Variants in DNER observed in about 807,000 individuals in gnomAD.
The protein encoded by DNER is delta and Notch-like epidermal growth factor-related receptor.
DNER carries 33 observed loss-of-function variants against 78.2 expected under a neutral mutation model. The ratio of observed to expected loss-of-function variants is 0.42; its 90% confidence interval spans 0.32 to 0.56. The LOEUF (loss-of-function observed/expected upper bound fraction) is 0.56. Among genes scored for constraint, DNER ranks in the 20% least tolerant of loss-of-function variants. DNER has a pLI of 0.11. For synonymous variants in DNER, 417 were observed against 384.8 expected, an observed-to-expected ratio of 1.08 and a Z score of -0.98; for missense variants, 918 against 975.3, an observed-to-expected ratio of 0.94 and a Z score of 0.78.
At chr2:229,651,569 T>C (rs1260704109) in intron 1 of DNER, among the ~76,000 whole-genome samples, 1 of 152,144 alleles carries the variant, frequency 6.6e-6, no homozygotes, top group South Asian at 2.1e-4. Flanking sequence ...CCCAGCCAGG[T>C]CTCTATCCAT....
intron 1 of DNER, among the ~76,000 whole-genome samples, chr2:229,644,646 T>C (rs1006900121): frequency 1.3e-5 from 2 of 152,024 alleles, no homozygotes; most frequent in African/African-American, 4.8e-5. Context: ...TTTTTCAGTA[T>C]TGTGTTAAGT....
chr2:229,545,391 A>G (rs555819157), intron 5 of DNER, among the ~76,000 whole-genome samples: 53 of 152,264 alleles, frequency 3.5e-4, no homozygotes, highest in Admixed American at 6.5e-4. Context: ...CCTGGCCAAC[A>G]TGGTGAAACC....
chr2:229,594,436 A>G (rs1164954968), intron 1 of DNER, among the ~76,000 whole-genome samples: 1 of 152,122 alleles, frequency 6.6e-6, no homozygotes, highest in Non-Finnish European at 1.5e-5. Flanking sequence ...AAAATACAAA[A>G]ATTAGTCGGG....
At chr2:229,620,645 C>T (rs982601839) in intron 1 of DNER, among the ~76,000 whole-genome samples, 5 of 152,240 alleles carry the variant, frequency 3.3e-5, no homozygotes, top group East Asian at 1.9e-4. Context: ...AAACACCAAC[C>T]CCACACTGGG....
rs542769841 is a variant in DNER, at chr2:229,373,875, T to A, written c.1856-6756A>T. ...AACACCACATGTTCTCACTTATAAG[T>A]GGGAGCTGGCCAGGCACGGTGGCTC... On this transcript the variant is annotated intron_variant, in intron 11 of 12. Coordinates refer to ENST00000341772, the MANE Select transcript of DNER (RefSeq NM_139072.4). Among the ~76,000 whole-genome samples the A allele has an allele frequency of 5.3e-5, 8 of 152,220 alleles. No individual in the cohort carries two copies. In the South Asian group the frequency reaches 1.5e-3, roughly 28 times the overall value.
chr2:229,431,427 C>G (rs1169085536), intron 8 of DNER, among the ~76,000 whole-genome samples: 1 of 151,952 alleles, frequency 6.6e-6, no homozygotes, highest in Non-Finnish European at 1.5e-5. Flanking sequence ...TGAAAGCTTT[C>G]TCTTGGAATT....
chr2:229,403,157 C>T (rs2106342246), intron 10 of DNER, among the ~76,000 whole-genome samples: 2 of 152,282 alleles, frequency 1.3e-5, no homozygotes, highest in Middle Eastern at 6.8e-3. Flanking sequence ...AGTTTTTGAA[C>T]ACTCAGTAGC....
intron 10 of DNER, among the ~76,000 whole-genome samples, chr2:229,402,787 A>G (rs1319670829): frequency 2.0e-5 from 3 of 152,234 alleles, no homozygotes; most frequent in Non-Finnish European, 4.4e-5. Context: ...GTCCTCAGCC[A>G]GATAATTCCA....
chr2:229,575,426 A>G (rs1255835692), intron 4 of DNER, among the ~76,000 whole-genome samples: 1 of 152,210 alleles, frequency 6.6e-6, no homozygotes, highest in Non-Finnish European at 1.5e-5. Flanking sequence ...GCTTTACCCT[A>G]CTGAGGGTTG....
chr2:229,576,328 CTTTT>C (rs61419138), intron 4 of DNER, among the ~76,000 whole-genome samples: 5 of 118,090 alleles, frequency 4.2e-5, no homozygotes, highest in Non-Finnish European at 3.6e-5. Flanking sequence ...GTTTCTCTCT[CTTTT>C]TTTTTTTTTT....
At chr2:229,536,288 T>C (rs1279389267) in intron 5 of DNER, among the ~76,000 whole-genome samples, 1 of 152,168 alleles carries the variant, frequency 6.6e-6, no homozygotes, top group East Asian at 1.9e-4. Context: ...TTTTCTGACA[T>C]GAAACATCAG....
intron 4 of DNER, among the ~76,000 whole-genome samples, chr2:229,560,893 C>T (rs888088902): frequency 2.4e-4 from 36 of 151,838 alleles, no homozygotes; most frequent in Non-Finnish European, 4.6e-4. Context: ...ATTAAATAAG[C>T]ATTTAAAAAG....
intron 4 of DNER, among the ~76,000 whole-genome samples, chr2:229,574,381 A>G (rs1225546690): frequency 6.6e-6 from 1 of 152,214 alleles, no homozygotes; most frequent in African/African-American, 2.4e-5. Flanking sequence ...AATAAATTAT[A>G]GTACATTGAT....
chr2:229,550,854 T>G (rs988056488), intron 4 of DNER, among the ~76,000 whole-genome samples: 2 of 152,208 alleles, frequency 1.3e-5, no homozygotes, highest in Admixed American at 1.3e-4. Context: ...GAGCCCACGT[T>G]GGTTCACCTT....
intron 1 of DNER, among the ~76,000 whole-genome samples, chr2:229,676,980 G>A (rs541775750): frequency 3.3e-5 from 5 of 152,164 alleles, no homozygotes; most frequent in Admixed American, 2.6e-4. Flanking sequence ...CCTCGATGCC[G>A]GCTCACTTAG....
chr2:229,702,861 G>A (rs1212115981), intron 1 of DNER, among the ~76,000 whole-genome samples: 1 of 144,308 alleles, frequency 6.9e-6, no homozygotes, highest in Non-Finnish European at 1.5e-5. Context: ...AGCTTGCAGT[G>A]AGCTGAGACC....
At chr2:229,636,903 T>C (rs1332730909) in intron 1 of DNER, among the ~76,000 whole-genome samples, 5 of 152,188 alleles carry the variant, frequency 3.3e-5, no homozygotes, top group Non-Finnish European at 5.9e-5. Flanking sequence ...CCCTGTGTGA[T>C]CTTGAATAAA....
intron 4 of DNER, among the ~76,000 whole-genome samples, chr2:229,559,106 G>A (rs995875303): frequency 3.9e-5 from 6 of 152,270 alleles, no homozygotes; most frequent in South Asian, 2.1e-4. Flanking sequence ...TGTGGGGGGT[G>A]TGGTGGTAGG....
At chr2:229,565,417 A>T (rs1207145289) in intron 4 of DNER, among the ~76,000 whole-genome samples, 2 of 152,188 alleles carry the variant, frequency 1.3e-5, no homozygotes, top group Admixed American at 1.3e-4. Flanking sequence ...TGAATAATTC[A>T]TGCCCCGTCT....
Sources: gnomAD v4.1 joint callset for allele counts (sites outside exome capture counted in the v4.1 genomes callset) on GRCh38, gnomAD v4.1.1 for gene constraint, MANE v1.5 for transcripts, NCBI Gene and HGNC (gene_info 2026-07-23, HGNC 2026-07-21) for gene names.